The following NET1 variants were observed in gnomAD, a reference collection of about 807,000 sequenced individuals.
NET1 encodes neuroepithelial cell transforming 1.
NET1 carries 42 observed loss-of-function variants against 61.1 expected under a neutral mutation model. The observed-to-expected ratio is 0.69, with a 90% CI of 0.54 to 0.89. NET1 has a LOEUF of 0.89. Ranked by LOEUF, NET1 falls within the 40% of genes least tolerant of loss-of-function variation. The pLI is 0.00. For synonymous variants in NET1, 254 were observed against 281.8 expected (o/e 0.90, Z 0.99); for missense variants, 654 against 747.3 (o/e 0.88, Z 1.46).
In NET1 at chr10:5,443,198, A is replaced by G. The variant is rs1324848488; in HGVS notation, c.256-8632A>G. Among the ~76,000 whole-genome samples the G allele has an allele frequency of 1.3e-5, 2 of 152,224 alleles. No individual in the cohort carries two copies. Among genetic ancestry groups the G allele is most frequent in the Non-Finnish European group, 2.9e-5 (2 of 68,042 alleles). On this transcript the variant is annotated intron_variant, in intron 3 of 11. Coordinates refer to ENST00000355029, the MANE Select transcript of NET1 (RefSeq NM_001047160.3). The surrounding 1 kb of genome is among the most constrained non-coding windows in gnomAD (Gnocchi z 4.8). The stretch of plus-strand genomic sequence containing the variant: ...TTATCTTCATCTGGACAGTGTCACA[A>G]CAGCTGAGCAGAACAGAGTCATCAG...
rs183766218 is a variant in NET1, at chr10:5,455,440, C to G, written c.1197+322C>G. 2.0e-5 allele frequency among the ~76,000 whole-genome samples: 3 copies of G among 152,254 alleles called. No homozygotes were observed. The East Asian group carries it at 5.8e-4, about 29-fold the overall frequency. Reference sequence around the variant, plus strand: ...TCAAAAAAAACTTCTAAGAGTTTATCTTATGCTTATGAAAGTGGTTTTTCG... The same window carrying G: ...TCAAAAAAAACTTCTAAGAGTTTATGTTATGCTTATGAAAGTGGTTTTTCG... On this transcript the variant is annotated intron_variant, in intron 10 of 11. Transcript: ENST00000355029. This position sits in a 1 kb window ranked among gnomAD's most constrained non-coding sequence, Gnocchi z 6.5.
chr10:5,429,514 C>T (rs559399546), intron 3 of NET1, among the ~76,000 whole-genome samples: 7 of 152,222 alleles, frequency 4.6e-5, no homozygotes, highest in African/African-American at 1.2e-4. Flanking sequence ...TGCGAAGGAA[C>T]GAGGTAAGAG....
rs768693201 is a variant in NET1 at position 5,415,677 on chromosome 10, G to A, written c.128+2857G>A. 6.6e-6 allele frequency among the ~76,000 whole-genome samples: 1 copy of A among 152,168 alleles called. No individual in the cohort carries two copies. Among genetic ancestry groups the A allele is most frequent in the Non-Finnish European group, 1.5e-5 (1 of 68,038 alleles). On this transcript the variant is annotated intron_variant, in intron 1 of 11. Transcript: ENST00000355029. The surrounding 1 kb of genome is among the most constrained non-coding windows in gnomAD (Gnocchi z 4.7). ...GCTGGTCTTGAACTCCTGACCTTGT[G>A]ATTTGCCTGCCTCGGCCTCCCAAAG...
In NET1 at chr10:5,452,710, T is replaced by C. The variant is rs1479018801; in HGVS notation, c.532-148T>C. 3.3e-6 allele frequency: 3 copies of C among 922,728 alleles called. No individual in the cohort carries two copies. The highest frequency in any genetic ancestry group is 2.6e-5 in the East Asian group (1 of 38,402). The allele number at this position is 922,728 out of a possible 1,614,324, so 57.2% of individuals were successfully genotyped here. A position where few individuals can be genotyped will look rare whatever the true frequency, so the allele number is the denominator to read the frequency against. On this transcript the variant is annotated intron_variant, in intron 5 of 11. Coordinates refer to ENST00000355029, the MANE Select transcript of NET1 (RefSeq NM_001047160.3). This position sits in a 1 kb window ranked among gnomAD's most constrained non-coding sequence, Gnocchi z 4.0. ...AAACTTACCAAACATACGGCAACCT[T>C]GTATTTGAGATTCCATTCTGAATTA...
chr10:5,438,523 T>C (rs2119194255), intron 3 of NET1, among the ~76,000 whole-genome samples: 1 of 152,208 alleles, frequency 6.6e-6, no homozygotes, highest in East Asian at 1.9e-4. Context: ...AAACACACAA[T>C]CTACCAAGAC....
At chr10:5,430,081 A>G (rs969380338) in intron 3 of NET1, among the ~76,000 whole-genome samples, 3 of 152,186 alleles carry the variant, frequency 2.0e-5, no homozygotes, top group Non-Finnish European at 4.4e-5. Context: ...TCTTCATAGA[A>G]GAATTATGTG....
In NET1 at chr10:5,451,220, T is replaced by C. The variant is rs1351516077; in HGVS notation, c.256-610T>C. Among the ~76,000 whole-genome samples the C allele has an allele frequency of 6.6e-6, 1 of 152,244 alleles. No homozygotes were observed. The highest frequency in any genetic ancestry group is 2.4e-5 in the African/African-American group (1 of 41,474). On this transcript the variant is annotated intron_variant, in intron 3 of 11. Coordinates refer to ENST00000355029, the MANE Select transcript of NET1 (RefSeq NM_001047160.3). This position sits in a 1 kb window ranked among gnomAD's most constrained non-coding sequence, Gnocchi z 6.1. ...GAGCCGGGATTTGTGCCCAGTCAGA[T>C]TTCAGAGCCTGGGTGCTCTTTTAAC...
At position 5,415,427 on chromosome 10, in the gene NET1, G is replaced by A. The variant is rs1182538325; in HGVS notation, c.128+2607G>A. On this transcript the variant is annotated intron_variant, in intron 1 of 11. Transcript: ENST00000355029. This position sits in a 1 kb window ranked among gnomAD's most constrained non-coding sequence, Gnocchi z 4.7. ...TAATGTGTGTGGCCATTTTTGGTGGGCCATCCTTTGCTCTTTTTTTTTTTT... is the reference window on the plus strand; with the variant it reads ...TAATGTGTGTGGCCATTTTTGGTGGACCATCCTTTGCTCTTTTTTTTTTTT... Among the ~76,000 whole-genome samples the A allele has an allele frequency of 7.3e-6, 1 of 137,656 alleles. No homozygotes were observed. The allele number at this position is 137,656 out of a possible 152,430, so 90.3% of individuals were successfully genotyped here. A position where few individuals can be genotyped will look rare whatever the true frequency, so the allele number is the denominator to read the frequency against.
rs114814624 is a variant in NET1, at chr10:5,428,672, G to T, written c.196-498G>T. On this transcript the variant is annotated intron_variant, in intron 2 of 11. Transcript: ENST00000355029. ...TTAGTCAGGGGAGACTGTTCAGATA[G>T]TATCTATTCCAAAGACAATTCATGA... Among the ~76,000 whole-genome samples, 1,345 of 151,578 alleles carry T rather than the reference G, an allele frequency of 8.9e-3. 20 individuals are homozygous for T. The highest frequency in any genetic ancestry group is 0.03 in the African/African-American group (1,244 of 41,362).
rs1736231195 is a variant in NET1, at chr10:5,457,080, G to GGTATATGACT, written c.*87_*88insTATATGACTG. On this transcript the variant is annotated 3_prime_UTR_variant, in exon 12 of 12. Transcript: ENST00000355029. This position sits in a 1 kb window ranked among gnomAD's most constrained non-coding sequence, Gnocchi z 5.4. ...GTTTTCTCGTAAGGGGAGCATCATA[G>GGTATATGACT]GGTTACTTTATACCAGTTGTAACAT... 2.8e-5 allele frequency: 38 copies of GGTATATGACT among 1,342,510 alleles called. No individual in the cohort carries two copies. Among genetic ancestry groups the GGTATATGACT allele is most frequent in the Non-Finnish European group, 3.6e-5 (36 of 1,004,618 alleles). The allele number at this position is 1,342,510 out of a possible 1,614,324, so 83.2% of individuals were successfully genotyped here.
chr10:5,426,822 G>T lies in NET1; in HGVS notation c.195+101G>T. 1.4e-6 allele frequency: 1 copy of T among 709,688 alleles called. No homozygotes were observed. The highest frequency in any genetic ancestry group is 2.9e-5 in the East Asian group (1 of 33,984). 44.0% of individuals were successfully genotyped at this position (709,688 alleles called of 1,614,324 possible). The stretch of plus-strand genomic sequence containing the variant: ...AGATCAGTGGTCCTTACTTCTGAGG[G>T]TCTTGAGGAACAGAATTCCTGTAAC... On this transcript the variant is annotated intron_variant, in intron 2 of 11. Coordinates refer to ENST00000355029, the MANE Select transcript of NET1 (RefSeq NM_001047160.3). This position sits in a 1 kb window ranked among gnomAD's most constrained non-coding sequence, Gnocchi z 4.6.
intron 3 of NET1, among the ~76,000 whole-genome samples, chr10:5,434,049 C>G (rs1413667577): frequency 6.6e-6 from 1 of 152,124 alleles, no homozygotes; most frequent in East Asian, 1.9e-4. Context: ...GCTGTAGAGA[C>G]ATGATTCTAC....
Position 5,423,404 on chromosome 10 carries a change from G to T in NET1, c.129-3251G>T, listed in dbSNP as rs574170946. On this transcript the variant is annotated intron_variant, in intron 1 of 11. Coordinates refer to ENST00000355029, the MANE Select transcript of NET1 (RefSeq NM_001047160.3). The surrounding 1 kb of genome is among the most constrained non-coding windows in gnomAD (Gnocchi z 4.4). The stretch of plus-strand genomic sequence containing the variant: ...ACAGCAGCTTTATCATTTTAATTAT[G>T]ATTTCTTTAGACTAAACCTAATTTA... Among the ~76,000 whole-genome samples the T allele has an allele frequency of 6.6e-6, 1 of 152,206 alleles. No homozygotes were observed. Among genetic ancestry groups the T allele is most frequent in the East Asian group, 1.9e-4 (1 of 5,182 alleles).
rs1832267199 is a variant in NET1 at position 5,426,930 on chromosome 10, G to C, written c.195+209G>C. ...TTCAAGTAAATATAAAACATATTTT[G>C]CAAAGTACTCACATCTATTAATCTT... is the stretch of plus-strand genomic sequence containing the variant. On this transcript the variant is annotated intron_variant, in intron 2 of 11. Coordinates refer to ENST00000355029, the MANE Select transcript of NET1 (RefSeq NM_001047160.3). The surrounding 1 kb of genome is among the most constrained non-coding windows in gnomAD (Gnocchi z 4.6). Among the ~76,000 whole-genome samples the C allele has an allele frequency of 6.6e-6, 1 of 152,022 alleles. No individual in the cohort carries two copies. Among genetic ancestry groups the C allele is most frequent in the African/African-American group, 2.4e-5 (1 of 41,392 alleles).
At position 5,431,163 on chromosome 10, in the gene NET1, G is replaced by T. The variant is rs546808544; in HGVS notation, c.255+1934G>T. Among the ~76,000 whole-genome samples, 9 of 152,306 alleles carry T rather than the reference G, an allele frequency of 5.9e-5. No individual in the cohort carries two copies. Among genetic ancestry groups the T allele is most frequent in the Non-Finnish European group, 1.2e-4 (8 of 68,036 alleles). The stretch of plus-strand genomic sequence containing the variant: ...TGGGATTACAGGCGTGAGCCACCGC[G>T]CCCGGCCTTAACTATATCTCTTAAG... On this transcript the variant is annotated intron_variant, in intron 3 of 11. Coordinates refer to ENST00000355029, the MANE Select transcript of NET1 (RefSeq NM_001047160.3). The surrounding 1 kb of genome is among the most constrained non-coding windows in gnomAD (Gnocchi z 4.9).
rs140578066 is a variant in NET1, at chr10:5,417,497, A to T, written c.128+4677A>T. ...TTAATAATTTCAATTGTATAGGAAT[A>T]CATACAATTGATTTTTGTATATCGA... is the stretch of plus-strand genomic sequence containing the variant. On this transcript the variant is annotated intron_variant, in intron 1 of 11. Transcript: ENST00000355029. The surrounding 1 kb of genome is among the most constrained non-coding windows in gnomAD (Gnocchi z 5.5). 1.9e-4 allele frequency among the ~76,000 whole-genome samples: 29 copies of T among 152,342 alleles called. No homozygotes were observed. In the Middle Eastern group the frequency reaches 0.027, roughly 143 times the overall value.
chr10:5,420,647 G>A lies in NET1; in HGVS notation c.129-6008G>A, dbSNP rs1011870176. The stretch of plus-strand genomic sequence containing the variant: ...AGTCTTGCTCTGTCGCCAGGCTGGA[G>A]TGCAGTGGCGCGATCTCGGCTCACT... On this transcript the variant is annotated intron_variant, in intron 1 of 11. Transcript: ENST00000355029. This position sits in a 1 kb window ranked among gnomAD's most constrained non-coding sequence, Gnocchi z 5.3. Among the ~76,000 whole-genome samples the A allele has an allele frequency of 6.6e-6, 1 of 152,072 alleles. No individual in the cohort carries two copies. The highest frequency in any genetic ancestry group is 1.5e-5 in the Non-Finnish European group (1 of 68,014).
rs779725072 is a variant in NET1, at chr10:5,446,580, G to A, written c.256-5250G>A. ...GGCTGTGGCCCCGCCCCCGAGCCCT[G>A]GGGTCGGTGCTTGCTGCCTGCGGCT... is the stretch of plus-strand genomic sequence containing the variant. On this transcript the variant is annotated intron_variant, in intron 3 of 11. Coordinates refer to ENST00000355029, the MANE Select transcript of NET1 (RefSeq NM_001047160.3). This position sits in a 1 kb window ranked among gnomAD's most constrained non-coding sequence, Gnocchi z 5.0. 57 of 1,186,090 alleles carry A rather than the reference G, an allele frequency of 4.8e-5. No individual in the cohort carries two copies. The highest frequency in any genetic ancestry group is 2.3e-4 in the South Asian group (6 of 25,778). 73.5% of individuals were successfully genotyped at this position (1,186,090 alleles called of 1,614,324 possible).
At position 5,441,243 on chromosome 10, in the gene NET1, C is replaced by T. The variant is rs906997178; in HGVS notation, c.256-10587C>T. ...CTTTCGGGTGTCCATCCCACACACC[C>T]GTGGCTACACATGTGCATGTGCCAC... On this transcript the variant is annotated intron_variant, in intron 3 of 11. Transcript: ENST00000355029. The surrounding 1 kb of genome is among the most constrained non-coding windows in gnomAD (Gnocchi z 4.6). 1.6e-4 allele frequency among the ~76,000 whole-genome samples: 25 copies of T among 152,224 alleles called. No homozygotes were observed. Among genetic ancestry groups the T allele is most frequent in the African/African-American group, 5.8e-4 (24 of 41,452 alleles).
Sources: gnomAD v4.1 joint callset for allele counts (sites outside exome capture counted in the v4.1 genomes callset) on GRCh38, gnomAD v4.1.1 for gene constraint, Gnocchi (gnomAD v3.1) non-coding constraint, MANE v1.5 for transcripts, NCBI Gene and HGNC (gene_info 2026-07-23, HGNC 2026-07-21) for gene names.